The following GRIA3 variants were observed in gnomAD, a reference collection of about 807,000 sequenced individuals.
The protein encoded by GRIA3 is glutamate receptor 3.
In GRIA3, 3 loss-of-function variants were observed where a neutral mutation model predicts 63.0. That is an observed-to-expected ratio of 0.05 (90% CI 0.02 to 0.12). GRIA3 has a LOEUF of 0.12. GRIA3 is among the 10% of genes least tolerant of loss of function. The pLI is 1.00. For synonymous variants in GRIA3, 274 were observed against 257.9 expected (o/e 1.06, Z -0.60); for missense variants, 347 against 700.9 (o/e 0.50, Z 5.70).
chrX:123,262,043 G>T (rs1453368886), intron 3 of GRIA3, among the ~76,000 whole-genome samples: 1 of 111,586 alleles, frequency 9.0e-6, no homozygotes, highest in Non-Finnish European at 1.9e-5. Context: ...TAAATTCAGG[G>T]TTTGGGCCTG....
intron 11 of GRIA3, among the ~76,000 whole-genome samples, chrX:123,422,945 T>C: frequency 8.9e-6 from 1 of 112,495 alleles, no homozygotes; most frequent in South Asian, 3.7e-4. Context: ...ATTGTATTAT[T>C]CTACTATGTC....
intron 3 of GRIA3, among the ~76,000 whole-genome samples, chrX:123,321,323 T>C (rs1303653763): frequency 9.0e-6 from 1 of 111,557 alleles, no homozygotes; most frequent in Non-Finnish European, 1.9e-5. Context: ...TCAACACTCA[T>C]GAGAAGCCTG....
At chrX:123,344,993 G>A (rs2045034502) in intron 4 of GRIA3, among the ~76,000 whole-genome samples, 1 of 111,770 alleles carries the variant, frequency 8.9e-6, no homozygotes, top group Admixed American at 9.5e-5. Context: ...CCCTGGAGAG[G>A]AGCTCAGGTG....
intron 3 of GRIA3, among the ~76,000 whole-genome samples, chrX:123,273,580 G>A (rs1472996464): frequency 8.9e-6 from 1 of 112,052 alleles, no homozygotes; most frequent in Non-Finnish European, 1.9e-5. Context: ...TCATCAGGAA[G>A]GAGGACTGGA....
At chrX:123,306,935 T>C (rs1033084449) in intron 3 of GRIA3, among the ~76,000 whole-genome samples, 3 of 111,984 alleles carry the variant, frequency 2.7e-5, no homozygotes, top group Non-Finnish European at 5.6e-5. Context: ...TTGTGCATCC[T>C]GTGGCACTCA....
At chrX:123,354,886 A>G in intron 4 of GRIA3, 24 bp from the exon 5 acceptor site, 1 of 1,142,461 alleles carries the variant, frequency 8.8e-7, no homozygotes, top group Non-Finnish European at 1.2e-6. Context: ...AATAAGCAAT[A>G]TGTCTTATTT....
intron 4 of GRIA3, among the ~76,000 whole-genome samples, chrX:123,327,914 C>T (rs1162713920): frequency 9.0e-6 from 1 of 111,521 alleles, no homozygotes; most frequent in Non-Finnish European, 1.9e-5. Flanking sequence ...GTATGTACTA[C>T]ATGCCCTCTA....
intron 9 of GRIA3, among the ~76,000 whole-genome samples, chrX:123,403,750 C>T (rs747832232): frequency 9.0e-6 from 1 of 111,299 alleles, no homozygotes; most frequent in Non-Finnish European, 1.9e-5. Context: ...TTATCATTTT[C>T]CTCTTTCTCC....
rs544587487 is a variant in GRIA3, at chrX:123,452,273, A to G, written c.2077-12592A>G. Among the ~76,000 whole-genome samples the G allele has an allele frequency of 6.3e-4, 70 of 110,719 alleles. 1 individual carries two copies. The South Asian group carries it at 0.026, about 42-fold the overall frequency. On this transcript the variant is annotated intron_variant, in intron 12 of 15. Coordinates refer to ENST00000620443, the MANE Select transcript of GRIA3 (RefSeq NM_007325.5). ...CAGTCATCAGTAGCTTCCCAGGTACATAGTATTTCCTGCTGACAAGCTGGC... is the reference window on the plus strand; with the variant it reads ...CAGTCATCAGTAGCTTCCCAGGTACGTAGTATTTCCTGCTGACAAGCTGGC...
chrX:123,211,249 G>A (rs1014354969), intron 2 of GRIA3, among the ~76,000 whole-genome samples: 2 of 111,170 alleles, frequency 1.8e-5, no homozygotes, highest in African/African-American at 6.5e-5. Flanking sequence ...GGTGCTATAC[G>A]TGATACTGCC....
chrX:123,363,450 A>C (rs1241958293), intron 5 of GRIA3, among the ~76,000 whole-genome samples: 1 of 112,508 alleles, frequency 8.9e-6, no homozygotes, highest in Non-Finnish European at 1.9e-5. Flanking sequence ...CCAAAAGTAA[A>C]GTGAAATTCA....
chrX:123,259,551 CAT>C (rs1308848043), intron 3 of GRIA3, among the ~76,000 whole-genome samples: 2 of 111,078 alleles, frequency 1.8e-5, no homozygotes, highest in African/African-American at 6.6e-5. Flanking sequence ...ATCAATGACA[CAT>C]GTCAACAAAT....
intron 1 of GRIA3, among the ~76,000 whole-genome samples, chrX:123,185,342 A>AAGTT: frequency 9.0e-6 from 1 of 110,515 alleles, no homozygotes; most frequent in East Asian, 2.8e-4. Flanking sequence ...ACAAGTCTAG[A>AAGTT]AGTTAGAATT....
Position 123,354,944 on chromosome X carries a change from A to G in GRIA3, c.731A>G (p.His244Arg), listed in dbSNP as rs1367510025. ...VILGKHSRGY[H>R]YMLANLGFTD... is the part of the protein sequence containing the mutation. Reference sequence around the variant, plus strand: ...CTAGGGAAACACTCAAGAGGTTATCACTACATGCTCGCTAACCTGGTAAGA... The same window carrying G: ...CTAGGGAAACACTCAAGAGGTTATCGCTACATGCTCGCTAACCTGGTAAGA... The change falls in exon 5 of 16, where the codon CAC becomes CGC. Residue 244 changes from histidine to arginine, a missense_variant. This residue lies in a region of GRIA3 where 113 missense variants were observed against 130.6 expected (regional missense o/e 0.87). Coordinates refer to ENST00000620443, the MANE Select transcript of GRIA3 (RefSeq NM_007325.5). 1 of 1,195,985 alleles carries G rather than the reference A, an allele frequency of 8.4e-7. No individual in the cohort carries two copies. The highest frequency in any genetic ancestry group is 2.2e-5 in the Admixed American group (1 of 46,017).
chrX:123,210,147 T>TAAA (rs539275485), intron 2 of GRIA3, among the ~76,000 whole-genome samples: 1 of 95,877 alleles, frequency 1.0e-5, no homozygotes, highest in Non-Finnish European at 2.1e-5. Context: ...AGCTCCATAT[T>TAAA]AAAAAAAAAA....
chrX:123,247,930 T>C (rs1392954902), intron 2 of GRIA3, among the ~76,000 whole-genome samples: 1 of 111,716 alleles, frequency 9.0e-6, no homozygotes, highest in Non-Finnish European at 1.9e-5. Context: ...TCTCATTTAT[T>C]GTATTTTCCC....
chrX:123,435,270 T>C (rs1199980598), intron 12 of GRIA3, among the ~76,000 whole-genome samples: 1 of 112,148 alleles, frequency 8.9e-6, no homozygotes, highest in Non-Finnish European at 1.9e-5. Flanking sequence ...AGCTAGTTTA[T>C]GAATGAAACA....
At chrX:123,460,050 A>G (rs2045784212) in intron 12 of GRIA3, among the ~76,000 whole-genome samples, 1 of 111,904 alleles carries the variant, frequency 8.9e-6, no homozygotes, top group Non-Finnish European at 1.9e-5. Flanking sequence ...GCATTCATTA[A>G]TATCTGCCAC....
At chrX:123,318,040 G>A (rs970893515) in intron 3 of GRIA3, among the ~76,000 whole-genome samples, 1 of 112,719 alleles carries the variant, frequency 8.9e-6, no homozygotes, top group Non-Finnish European at 1.9e-5. Context: ...CCACATGGAA[G>A]CCGCCAAGGC....
Sources: gnomAD v4.1 joint callset for allele counts (sites outside exome capture counted in the v4.1 genomes callset) on GRCh38, gnomAD v4.1.1 for gene constraint, gnomAD v4.1.1 regional missense constraint, MANE v1.5 for transcripts, NCBI Gene and HGNC (gene_info 2026-07-23, HGNC 2026-07-21) for gene names.